The following PPP2R2C variants were observed in gnomAD, a reference collection of about 807,000 sequenced individuals.
PPP2R2C encodes the protein protein phosphatase 2, regulatory subunit B, gamma.
A neutral mutation model predicts 45.3 loss-of-function variants in PPP2R2C; 10 were observed. The ratio of observed to expected loss-of-function variants is 0.22; its 90% CI spans 0.14 to 0.37. The LOEUF is 0.37. Ranked by LOEUF, PPP2R2C falls within the 10% of genes least tolerant of loss-of-function variation. The pLI, the probability that PPP2R2C is intolerant of heterozygous loss-of-function variation, is 1.00. For missense variants in PPP2R2C, 308 were observed against 619.7 expected, an observed-to-expected ratio of 0.50 and a Z score of 5.34; for synonymous variants, 257 against 245.4, an observed-to-expected ratio of 1.05 and a Z score of -0.44.
intron 2 of PPP2R2C, among the ~76,000 whole-genome samples, chr4:6,512,235 G>T (rs1250018286): frequency 9.2e-6 from 1 of 108,264 alleles, no homozygotes; most frequent in East Asian, 2.8e-4. Context: ...TGGTGGTGAT[G>T]GTGGGGGTGG....
At chr4:6,347,795 C>A in intron 6 of PPP2R2C, 51 bp downstream of exon 6, 1 of 901,586 alleles carries the variant, frequency 1.1e-6, no homozygotes, top group Admixed American at 2.2e-5. Context: ...GACATCCCAC[C>A]CGCCCGCCTG....
chr4:6,425,879 G>T (rs1051127026), intron 1 of PPP2R2C, among the ~76,000 whole-genome samples: 1 of 151,806 alleles, frequency 6.6e-6, no homozygotes, highest in African/African-American at 2.4e-5. Context: ...TGTGTGTGTG[G>T]TGTGTATGTG....
chr4:6,327,275 A>T (rs1732019491), intron 8 of PPP2R2C, among the ~76,000 whole-genome samples: 1 of 152,194 alleles, frequency 6.6e-6, no homozygotes, highest in African/African-American at 2.4e-5. Context: ...CTGTGGAGCG[A>T]GAGACAGTGA....
rs576189921 is a variant in PPP2R2C, at chr4:6,328,601, C to T, written c.1052+661G>A. On this transcript the variant is annotated intron_variant, in intron 8 of 8. Coordinates refer to ENST00000382599, the MANE Select transcript of PPP2R2C (RefSeq NM_020416.4). This position sits in a 1 kb window ranked among gnomAD's most constrained non-coding sequence, Gnocchi z 4.4. ...ACGGGTAGAGGTCAGGTCAGGAGCCCCTGCCACAGCCCCCTTGTCCATGCC... is the reference window on the plus strand; with the variant it reads ...ACGGGTAGAGGTCAGGTCAGGAGCCTCTGCCACAGCCCCCTTGTCCATGCC... Among the ~76,000 whole-genome samples the T allele has an allele frequency of 4.6e-5, 7 of 152,298 alleles. No individual in the cohort carries two copies. The highest frequency in any genetic ancestry group is 1.4e-4 in the African/African-American group (6 of 41,568).
intron 1 of PPP2R2C, among the ~76,000 whole-genome samples, chr4:6,541,961 C>T (rs963854762): frequency 2.0e-5 from 3 of 152,234 alleles, no homozygotes; most frequent in Admixed American, 6.5e-5. Context: ...AAATATTTCT[C>T]GAAGACCTAG....
At chr4:6,500,385 T>C (rs1173608252) in intron 2 of PPP2R2C, among the ~76,000 whole-genome samples, 1 of 152,230 alleles carries the variant, frequency 6.6e-6, no homozygotes, top group Non-Finnish European at 1.5e-5. Flanking sequence ...TGACCTCAGA[T>C]GATCTGCCTG....
At chr4:6,351,030 C>T (rs2109234084) in intron 5 of PPP2R2C, 1 of 985,236 alleles carries the variant, frequency 1.0e-6, no homozygotes, top group Non-Finnish European at 1.2e-6. Context: ...GGAGGCCAGG[C>T]ACCAGAGCTC....
chr4:6,350,403 T>C, intron 5 of PPP2R2C: 1 of 985,332 alleles, frequency 1.0e-6, no homozygotes, highest in Non-Finnish European at 1.2e-6. Context: ...GGCCCATGGA[T>C]AATGTGCAGT....
chr4:6,358,887 A>G (rs1365489750), intron 5 of PPP2R2C, among the ~76,000 whole-genome samples: 1 of 152,244 alleles, frequency 6.6e-6, no homozygotes, highest in African/African-American at 2.4e-5. Context: ...ACGCTTTTAC[A>G]CTGTTGGTGG....
rs374580372 is a variant in PPP2R2C at position 6,549,638 on chromosome 4, C to T, written c.-59+13922G>A. 1.1e-4 allele frequency among the ~76,000 whole-genome samples: 17 copies of T among 152,344 alleles called. No individual in the cohort carries two copies. In the East Asian group the frequency reaches 3.1e-3, roughly 28 times the overall value. On this transcript the variant is annotated intron_variant, in intron 1 of 9. Transcript: ENST00000506140. ...GGTTTGCAGCCCTGAGAGCAGTGGG[C>T]TCTGATGACACCTGCTGGCTGTGTG...
intron 2 of PPP2R2C, among the ~76,000 whole-genome samples, chr4:6,522,478 A>G (rs1473503048): frequency 6.6e-6 from 1 of 152,226 alleles, no homozygotes; most frequent in East Asian, 1.9e-4. Flanking sequence ...CTTCCCAAGC[A>G]CCTGCTTCCA....
At chr4:6,350,930 A>G in intron 5 of PPP2R2C, 2 of 985,388 alleles carry the variant, frequency 2.0e-6, no homozygotes, top group Non-Finnish European at 2.4e-6. Context: ...CTACCACTGC[A>G]AAACGTGAGC....
rs190067336 is a variant in PPP2R2C at position 6,349,071 on chromosome 4, G to T, written c.626-1061C>A. The stretch of plus-strand genomic sequence containing the variant: ...TTCCCTGCTGCCCAGCAGCAGATCA[G>T]AATCTCTTGGAGCATGCAAGGACTG... On this transcript the variant is annotated intron_variant, in intron 5 of 8. Transcript: ENST00000382599. 138 of 985,424 alleles carry T rather than the reference G, an allele frequency of 1.4e-4. No homozygotes were observed. The African/African-American group carries it at 2.3e-3, about 17-fold the overall frequency. The allele number at this position is 985,424 out of a possible 1,614,324, so 61.0% of individuals were successfully genotyped here. A position where few individuals can be genotyped will look rare whatever the true frequency, so the allele number is the denominator to read the frequency against.
intron 2 of PPP2R2C, among the ~76,000 whole-genome samples, chr4:6,516,000 A>C (rs1437638710): frequency 6.6e-6 from 1 of 152,222 alleles, no homozygotes; most frequent in African/African-American, 2.4e-5. Flanking sequence ...TCTTATTATA[A>C]GGACATCAGT....
At chr4:6,441,661 C>T (rs1208221511) in intron 1 of PPP2R2C, among the ~76,000 whole-genome samples, 1 of 152,206 alleles carries the variant, frequency 6.6e-6, no homozygotes, top group African/African-American at 2.4e-5. Flanking sequence ...AGATCCGAGG[C>T]CTCTGCTCCT....
chr4:6,501,283 T>C (rs953953661), intron 2 of PPP2R2C, among the ~76,000 whole-genome samples: 1 of 152,104 alleles, frequency 6.6e-6, no homozygotes, highest in Non-Finnish European at 1.5e-5. Context: ...GGAACCACTC[T>C]GATAGTGGGA....
chr4:6,350,272 A>G, intron 5 of PPP2R2C: 1 of 985,462 alleles, frequency 1.0e-6, no homozygotes, highest in Non-Finnish European at 1.2e-6. Flanking sequence ...AATGCCTCCC[A>G]TGGCTTTCCA....
At chr4:6,452,556 G>T (rs746444865) in intron 1 of PPP2R2C, among the ~76,000 whole-genome samples, 3 of 152,212 alleles carry the variant, frequency 2.0e-5, no homozygotes, top group Admixed American at 6.5e-5. Flanking sequence ...AGGGCTGTGC[G>T]CCCTGCACCA....
chr4:6,360,816 G>A (rs1358362786), intron 5 of PPP2R2C, among the ~76,000 whole-genome samples: 2 of 152,184 alleles, frequency 1.3e-5, no homozygotes, highest in African/African-American at 4.8e-5. Flanking sequence ...TCATAGCTAT[G>A]GAGGTCCGAA....
Sources: allele counts gnomAD v4.1 joint callset (sites outside exome capture counted in the v4.1 genomes callset), GRCh38; gene constraint gnomAD v4.1.1; non-coding constraint Gnocchi (gnomAD v3.1); transcripts MANE v1.5; gene names NCBI Gene and HGNC (gene_info 2026-07-23, HGNC 2026-07-21).